PCA3: variants seen among roughly 807,000 people sequenced by gnomAD.
The protein encoded by PCA3 is prostate cancer associated 3, also known as Differential Display code 3.
intron 2 of PCA3, among the ~76,000 whole-genome samples, chr9:76,783,461 T>C (rs1259537113): frequency 2.0e-5 from 3 of 152,162 alleles, no homozygotes; most frequent in Non-Finnish European, 4.4e-5. Flanking sequence ...GTGGGATCTC[T>C]AGAGGGGACC....
intron 2 of PCA3, among the ~76,000 whole-genome samples, chr9:76,783,293 C>T (rs538799259): frequency 3.3e-5 from 5 of 152,148 alleles, no homozygotes; most frequent in Non-Finnish European, 5.9e-5. Context: ...TGCACCAGCA[C>T]GCCCAGCTAA....
intron 2 of PCA3, chr9:76,782,669 A>G (rs1275352433): frequency 6.6e-6 from 1 of 152,240 alleles, no homozygotes; most frequent in African/African-American, 2.4e-5. Flanking sequence ...TGTCCTAAGG[A>G]ATTACAACAC....
intron 2 of PCA3, among the ~76,000 whole-genome samples, chr9:76,770,744 C>T (rs1368982719): frequency 1.3e-5 from 2 of 152,102 alleles, no homozygotes; most frequent in Non-Finnish European, 2.9e-5. Flanking sequence ...AAGAGCAGCT[C>T]AGTCAACCTA....
At chr9:76,780,776 G>A (rs1421668800) in intron 2 of PCA3, among the ~76,000 whole-genome samples, 2 of 152,178 alleles carry the variant, frequency 1.3e-5, no homozygotes, top group Non-Finnish European at 2.9e-5. Context: ...GATGTGGTAG[G>A]TGTTTCCCAC....
chr9:76,776,577 C>T (rs1319771462), intron 2 of PCA3, among the ~76,000 whole-genome samples: 1 of 133,428 alleles, frequency 7.5e-6, no homozygotes, highest in Non-Finnish European at 1.5e-5. Flanking sequence ...GTGCAGTGCA[C>T]AATCTCGGCT....
intron 2 of PCA3, among the ~76,000 whole-genome samples, chr9:76,776,499 C>CTTT (rs58566943): frequency 7.3e-6 from 1 of 136,472 alleles, no homozygotes; most frequent in Admixed American, 7.4e-5. Flanking sequence ...ACCACATTTT[C>CTTT]TTTTTTTTTT....
chr9:76,770,458 T>G lies in PCA3; in HGVS notation n.852+33843T>G, dbSNP rs538278683. Among the ~76,000 whole-genome samples, 33 of 152,296 alleles carry G rather than the reference T, an allele frequency of 2.2e-4. No individual in the cohort carries two copies. The South Asian group carries it at 5.6e-3, about 26-fold the overall frequency. ...TATGTTAATGGCTTTTTCAAATGAA[T>G]ATATGATTCAAAAATTGAAAAGGAC... is the stretch of plus-strand genomic sequence containing the variant. On this transcript the variant is annotated intron_variant and non_coding_transcript_variant, in intron 2 of 5. Coordinates refer to ENST00000644657, the Ensembl canonical transcript of PCA3.
intron 2 of PCA3, among the ~76,000 whole-genome samples, chr9:76,772,154 T>G (rs1158673647): frequency 6.6e-6 from 1 of 152,172 alleles, no homozygotes; most frequent in East Asian, 1.9e-4. Flanking sequence ...GGGCTTTTTG[T>G]GTGTTGCTCG....
intron 2 of PCA3, among the ~76,000 whole-genome samples, chr9:76,774,450 C>A (rs2053466686): frequency 2.4e-5 from 1 of 41,402 alleles, no homozygotes; most frequent in African/African-American, 1.9e-4. Flanking sequence ...CAGTTCAACC[C>A]TTTTTTTTTT....
At chr9:76,777,054 C>T (rs2053883697) in intron 2 of PCA3, among the ~76,000 whole-genome samples, 1 of 152,004 alleles carries the variant, frequency 6.6e-6, no homozygotes, top group Admixed American at 6.6e-5. Context: ...ATCAGGGTAG[C>T]TTCCTCTTGG....
chr9:76,773,425 C>T (rs1564269289), intron 2 of PCA3, among the ~76,000 whole-genome samples: 1 of 147,392 alleles, frequency 6.8e-6, no homozygotes, highest in Non-Finnish European at 1.5e-5. Flanking sequence ...ACATCACATA[C>T]ACACTAGTAC....
At chr9:76,765,609 CATCT>C (rs1166292633) in intron 2 of PCA3, among the ~76,000 whole-genome samples, 1 of 152,120 alleles carries the variant, frequency 6.6e-6, no homozygotes, top group Non-Finnish European at 1.5e-5. Flanking sequence ...TCTATCCATC[CATCT>C]ATCCATCCAT....
chr9:76,772,334 T>C (rs1049199057), intron 2 of PCA3, among the ~76,000 whole-genome samples: 3 of 152,168 alleles, frequency 2.0e-5, no homozygotes, highest in African/African-American at 7.2e-5. Context: ...AAAATATTTA[T>C]TTTAATTTTT....
intron 2 of PCA3, among the ~76,000 whole-genome samples, chr9:76,771,173 T>C (rs2053062149): frequency 6.6e-6 from 1 of 152,208 alleles, no homozygotes; most frequent in Non-Finnish European, 1.5e-5. Context: ...AAATATCATA[T>C]AAATTATATT....
intron 2 of PCA3, among the ~76,000 whole-genome samples, chr9:76,782,028 C>T (rs1334334370): frequency 1.3e-5 from 2 of 152,110 alleles, no homozygotes; most frequent in African/African-American, 4.8e-5. Context: ...TCCTGGCTAA[C>T]ACGGTGAAAC....
intron 2 of PCA3, among the ~76,000 whole-genome samples, chr9:76,774,696 T>A (rs1295746746): frequency 6.6e-6 from 1 of 151,984 alleles, no homozygotes; most frequent in Non-Finnish European, 1.5e-5. Flanking sequence ...CGACCTCAGG[T>A]GATCCACCCA....
chr9:76,779,153 C>T (rs990045578), intron 2 of PCA3, among the ~76,000 whole-genome samples: 1 of 151,194 alleles, frequency 6.6e-6, no homozygotes, highest in African/African-American at 2.4e-5. Context: ...TCTGGATGGG[C>T]AATACTTATG....
chr9:76,773,863 T>TA (rs2053403074), intron 2 of PCA3, among the ~76,000 whole-genome samples: 1 of 152,068 alleles, frequency 6.6e-6, no homozygotes, highest in Non-Finnish European at 1.5e-5. Flanking sequence ...TTAATTTTGG[T>TA]AAAAATAACC....
intron 2 of PCA3, among the ~76,000 whole-genome samples, chr9:76,769,456 C>T (rs2052833307): frequency 6.6e-6 from 1 of 151,932 alleles, no homozygotes; most frequent in Admixed American, 6.6e-5. Flanking sequence ...GAGTTTCGCT[C>T]TTCTTGCCCA....
Sources: allele counts gnomAD v4.1 joint callset (sites outside exome capture counted in the v4.1 genomes callset), GRCh38; gene constraint gnomAD v4.1.1; transcripts MANE v1.5; gene names NCBI Gene and HGNC (gene_info 2026-07-23, HGNC 2026-07-21).